The following TGFB2 variants were observed in gnomAD, a reference collection of about 807,000 sequenced individuals.
TGFB2 encodes transforming growth factor beta 2.
In TGFB2, 13 loss-of-function variants were observed where a neutral mutation model predicts 42.7. The ratio of observed to expected loss-of-function variants is 0.30; its 90% CI spans 0.20 to 0.48. The LOEUF is 0.48. Among genes scored for constraint, TGFB2 ranks in the 20% least tolerant of loss-of-function variants. The probability of loss-of-function intolerance (pLI) is 0.99; values close to 1 mark genes in which losing one functional copy is unlikely to be tolerated. For synonymous variants in TGFB2, 193 were observed against 193.6 expected (o/e 1.00, Z 0.03); for missense variants, 390 against 517.5 (o/e 0.75, Z 2.39).
chr1:218,354,217 A>G (rs1290549600), intron 1 of TGFB2, among the ~76,000 whole-genome samples: 3 of 152,188 alleles, frequency 2.0e-5, no homozygotes, highest in Admixed American at 6.5e-5. Flanking sequence ...AATGAGATTG[A>G]ACTACAGGAA....
Position 218,436,108 on chromosome 1 carries a change from G to A in TGFB2, c.893G>A (p.Arg298Gln), listed in dbSNP as rs762561484. Residue 298 changes from arginine (R) to glutamine (Q), a missense_variant, in exon 5 of 7, where the codon CGG becomes CAG. Arg to Gln is a conservative substitution (Grantham distance 43). Coordinates refer to ENST00000366930, the MANE Select transcript of TGFB2 (RefSeq NM_003238.6). ...SYRLESQQTNRRKKRALDAAY... is the reference protein window; with the variant it reads ...SYRLESQQTNQRKKRALDAAY... ...AGACTTGAGTCACAACAGACCAACCGGCGGAAGAAGCGTGCTTTGGATGCG... is the reference window on the plus strand; with the variant it reads ...AGACTTGAGTCACAACAGACCAACCAGCGGAAGAAGCGTGCTTTGGATGCG... 9.9e-6 allele frequency: 16 copies of A among 1,613,646 alleles called. No individual in the cohort carries two copies. In the East Asian group the frequency reaches 2.5e-4, roughly 25 times the overall value.
At chr1:218,409,986 G>T (rs571744552) in intron 2 of TGFB2, among the ~76,000 whole-genome samples, 1 of 152,206 alleles carries the variant, frequency 6.6e-6, no homozygotes, top group African/African-American at 2.4e-5. Flanking sequence ...ACCAGGTTTG[G>T]AATCCCTGGG....
At chr1:218,368,412 C>T (rs1397361862) in intron 1 of TGFB2, among the ~76,000 whole-genome samples, 1 of 152,140 alleles carries the variant, frequency 6.6e-6, no homozygotes, top group Non-Finnish European at 1.5e-5. Context: ...GCTGGGATTA[C>T]AGGCATGAGC....
intron 1 of TGFB2, among the ~76,000 whole-genome samples, chr1:218,361,276 C>T (rs757096069): frequency 6.6e-6 from 1 of 152,200 alleles, no homozygotes; most frequent in African/African-American, 2.4e-5. Flanking sequence ...CCAGAGCTCC[C>T]TGTCCTCCTG....
chr1:218,380,807 G>GA (rs1394348503), intron 1 of TGFB2, among the ~76,000 whole-genome samples: 1 of 152,166 alleles, frequency 6.6e-6, no homozygotes, highest in East Asian at 1.9e-4. Context: ...AGATTTGCCA[G>GA]AAAAAGCCCT....
At chr1:218,402,884 A>G (rs1658775886) in intron 1 of TGFB2, among the ~76,000 whole-genome samples, 1 of 152,234 alleles carries the variant, frequency 6.6e-6, no homozygotes, top group Non-Finnish European at 1.5e-5. Flanking sequence ...ACGGTGTGCA[A>G]TGCCAGAAAG....
intron 6 of TGFB2, 82 bp from the exon 7 acceptor site, chr1:218,441,122 A>G: frequency 7.3e-7 from 1 of 1,370,120 alleles, no homozygotes; most frequent in Non-Finnish European, 1.0e-6. Flanking sequence ...GACTGCTAAC[A>G]ATGTGGAATT....
chr1:218,379,555 C>T lies in TGFB2; in HGVS notation c.347-25614C>T, dbSNP rs375521977. Among the ~76,000 whole-genome samples the T allele has an allele frequency of 5.6e-5, 8 of 142,540 alleles. No homozygotes were observed. The East Asian group carries it at 1.7e-3, about 30-fold the overall frequency. The allele number at this position is 142,540 out of a possible 152,430, so 93.5% of individuals were successfully genotyped here. ...TTAATTTGATGCTGTCTTTCTTCCTCTCTAATGCTCAAATCTAGCTTTCAT... is the reference window on the plus strand; with the variant it reads ...TTAATTTGATGCTGTCTTTCTTCCTTTCTAATGCTCAAATCTAGCTTTCAT... On this transcript the variant is annotated intron_variant, in intron 1 of 6. Transcript: ENST00000366930.
chr1:218,374,598 A>G (rs1180147290), intron 1 of TGFB2, among the ~76,000 whole-genome samples: 1 of 152,220 alleles, frequency 6.6e-6, no homozygotes, highest in Non-Finnish European at 1.5e-5. Flanking sequence ...GCTTCCGTTT[A>G]TATCTCTCAG....
At chr1:218,356,311 G>A (rs2102538066) in intron 1 of TGFB2, among the ~76,000 whole-genome samples, 1 of 152,024 alleles carries the variant, frequency 6.6e-6, no homozygotes, top group South Asian at 2.1e-4. Context: ...CCATCTCCTG[G>A]GCTCTAGTTA....
intron 2 of TGFB2, among the ~76,000 whole-genome samples, chr1:218,406,687 C>G (rs1658923614): frequency 6.6e-6 from 1 of 152,102 alleles, no homozygotes; most frequent in African/African-American, 2.4e-5. Context: ...GGGGGATCAT[C>G]ATTCTTGGCA....
At chr1:218,370,069 C>T (rs1657522480) in intron 1 of TGFB2, among the ~76,000 whole-genome samples, 1 of 152,186 alleles carries the variant, frequency 6.6e-6, no homozygotes, top group East Asian at 1.9e-4. Context: ...TAGATCCTGT[C>T]CTCAGGGAGC....
chr1:218,438,365 T>C (rs1660040519), intron 6 of TGFB2, among the ~76,000 whole-genome samples: 1 of 152,222 alleles, frequency 6.6e-6, no homozygotes, highest in South Asian at 2.1e-4. Context: ...GGATTTCAGT[T>C]AATGCCTGGG....
chr1:218,378,037 G>A (rs1197694222), intron 1 of TGFB2, among the ~76,000 whole-genome samples: 2 of 152,100 alleles, frequency 1.3e-5, no homozygotes, highest in Admixed American at 6.6e-5. Context: ...GTGCAGTGGT[G>A]CCATCTTGGC....
chr1:218,406,968 T>C (rs780693434), intron 2 of TGFB2, among the ~76,000 whole-genome samples: 11 of 152,266 alleles, frequency 7.2e-5, no homozygotes, highest in Non-Finnish European at 1.5e-4. Flanking sequence ...TTCTGGACTC[T>C]AATCATTTGG....
rs548037101 is a variant in TGFB2, at chr1:218,425,186, C to T, written c.511-8896C>T. Among the ~76,000 whole-genome samples the T allele has an allele frequency of 9.2e-5, 14 of 152,118 alleles. No homozygotes were observed. In the South Asian group the frequency reaches 2.1e-3, roughly 23 times the overall value. On this transcript the variant is annotated intron_variant, in intron 2 of 6. Transcript: ENST00000366930. Reference sequence around the variant, plus strand: ...AACACACCTAAGTGCTTCAGGCTTCCGTTTTTTGTTTGTTTGTTTGTTTGT... The same window carrying T: ...AACACACCTAAGTGCTTCAGGCTTCTGTTTTTTGTTTGTTTGTTTGTTTGT...
At chr1:218,400,892 G>T (rs796697032) in intron 1 of TGFB2, among the ~76,000 whole-genome samples, 1 of 152,132 alleles carries the variant, frequency 6.6e-6, no homozygotes, top group African/African-American at 2.4e-5. Context: ...GAAGGCAAGG[G>T]GTAGGAGGCA....
chr1:218,432,319 G>A (rs926042292), intron 2 of TGFB2, among the ~76,000 whole-genome samples: 1 of 152,166 alleles, frequency 6.6e-6, no homozygotes, highest in Non-Finnish European at 1.5e-5. Flanking sequence ...AATTCGCAAA[G>A]AACATTTCTT....
chr1:218,413,274 G>A (rs959412388), intron 2 of TGFB2, among the ~76,000 whole-genome samples: 1 of 152,170 alleles, frequency 6.6e-6, no homozygotes, highest in Non-Finnish European at 1.5e-5. Flanking sequence ...TCTGGAGGCT[G>A]AGGCAGGAGA....
Sources: allele counts gnomAD v4.1 joint callset (sites outside exome capture counted in the v4.1 genomes callset), GRCh38; gene constraint gnomAD v4.1.1; transcripts MANE v1.5; gene names NCBI Gene and HGNC (gene_info 2026-07-23, HGNC 2026-07-21).